The following CMKLR2 variants were observed in gnomAD, a reference collection of about 807,000 sequenced individuals.
CMKLR2 encodes the protein chemerin chemokine-like receptor 2.
Under a neutral mutation model 23.0 loss-of-function variants are expected in CMKLR2, and 18 were observed. That is an observed-to-expected ratio of 0.78 (90% CI 0.54 to 1.16). The LOEUF (loss-of-function observed/expected upper bound fraction) is 1.16. Ranked by LOEUF, CMKLR2 falls within the 50% of genes most tolerant of loss-of-function variation. The probability of loss-of-function intolerance (pLI) is 0.00; values close to 1 mark genes in which losing one functional copy is unlikely to be tolerated. For synonymous variants in CMKLR2, 158 were observed against 158.9 expected (o/e 0.99, Z 0.05); for missense variants, 401 against 412.7 (o/e 0.97, Z 0.25).
chr2:206,214,229 T>C (rs1689675456), upstream of CMKLR2, among the ~76,000 whole-genome samples: 1 of 143,504 alleles, frequency 7.0e-6, no homozygotes. Flanking sequence ...TGGAGTGCAG[T>C]GGTGTGATCA....
At chr2:206,206,361 A>T (rs2105836500) in intron 1 of CMKLR2, among the ~76,000 whole-genome samples, 1 of 152,370 alleles carries the variant, frequency 6.6e-6, no homozygotes, top group East Asian at 1.9e-4. Flanking sequence ...GGCCATGTTT[A>T]ATGTTATCAA....
At chr2:206,202,295 T>C (rs140310427) in intron 1 of CMKLR2, among the ~76,000 whole-genome samples, 3 of 152,266 alleles carry the variant, frequency 2.0e-5, no homozygotes, top group South Asian at 2.1e-4. Context: ...AACCCTAAGG[T>C]TCTGTTAGGT....
intron 1 of CMKLR2, among the ~76,000 whole-genome samples, chr2:206,189,661 A>G (rs769152981): frequency 1.3e-5 from 2 of 151,848 alleles, no homozygotes; most frequent in Non-Finnish European, 2.9e-5. Context: ...AGAAAAGAAA[A>G]GAATGAATAG....
In CMKLR2 at chr2:206,211,527, A is replaced by G. The variant is rs548318941; in HGVS notation, c.-29+1780T>C. On this transcript the variant is annotated intron_variant, in intron 1 of 1. Coordinates refer to ENST00000621141, the MANE Select transcript of CMKLR2 (RefSeq NM_001389445.1). ...TTTAGTAGAGACAGAGTCTCTACTA[A>G]AGGCTGGTCTCGAACTCCTGGCCAT... 2.6e-5 allele frequency among the ~76,000 whole-genome samples: 4 copies of G among 151,972 alleles called. No individual in the cohort carries two copies. The South Asian group carries it at 8.3e-4, about 32-fold the overall frequency.
At chr2:206,204,140 C>T (rs1208107612) in intron 1 of CMKLR2, among the ~76,000 whole-genome samples, 1 of 151,992 alleles carries the variant, frequency 6.6e-6, no homozygotes, top group African/African-American at 2.4e-5. Flanking sequence ...ATCACGAGGT[C>T]AGGAGATCGA....
intron 1 of CMKLR2, among the ~76,000 whole-genome samples, chr2:206,192,339 T>C (rs1200978078): frequency 2.0e-5 from 3 of 149,782 alleles, no homozygotes; most frequent in Non-Finnish European, 4.5e-5. Context: ...ATTATTTTAT[T>C]TTATAAAATA....
intron 1 of CMKLR2, among the ~76,000 whole-genome samples, chr2:206,205,320 T>G (rs1559097028): frequency 6.6e-6 from 1 of 152,222 alleles, no homozygotes; most frequent in Non-Finnish European, 1.5e-5. Flanking sequence ...TTTAACTTAC[T>G]GCATTTTGGG....
In CMKLR2 at chr2:206,176,816, T is replaced by C; in HGVS notation, c.432A>G (p.Leu144=). Residue 144 remains leucine (L), a synonymous_variant, in exon 2 of 2, where the codon TTA becomes TTG. Coordinates refer to ENST00000621141, the MANE Select transcript of CMKLR2 (RefSeq NM_001389445.1). ...DHYIHLIHPV[L]SHRHRTLKNS... is the part of the protein sequence containing the mutation. Reference sequence around the variant, plus strand: ...TCTTGAGGGTTCGATGCCGATGAGATAAGACAGGATGGATCAAGTGGATAT... The same window carrying C: ...TCTTGAGGGTTCGATGCCGATGAGACAAGACAGGATGGATCAAGTGGATAT... 3.1e-6 allele frequency: 5 copies of C among 1,614,094 alleles called. No individual in the cohort carries two copies. The highest frequency in any genetic ancestry group is 4.2e-6 in the Non-Finnish European group (5 of 1,180,026).
intron 1 of CMKLR2, among the ~76,000 whole-genome samples, chr2:206,198,444 C>A (rs1310957003): frequency 6.6e-6 from 1 of 152,092 alleles, no homozygotes; most frequent in African/African-American, 2.4e-5. Flanking sequence ...TATGATTCTG[C>A]CCCTGGTGTT....
upstream of CMKLR2, among the ~76,000 whole-genome samples, chr2:206,215,765 G>A (rs1208166767): frequency 4.6e-5 from 7 of 152,198 alleles, no homozygotes; most frequent in Non-Finnish European, 8.8e-5. Flanking sequence ...GTGCTCAGGT[G>A]TACTAGAGAT....
chr2:206,194,637 T>G (rs1688860123), intron 1 of CMKLR2, among the ~76,000 whole-genome samples: 1 of 151,776 alleles, frequency 6.6e-6, no homozygotes, highest in African/African-American at 2.4e-5. Context: ...GGTTTCACCA[T>G]GTCGGCCAGG....
intron 1 of CMKLR2, among the ~76,000 whole-genome samples, chr2:206,203,003 A>G (rs1689157426): frequency 6.6e-6 from 1 of 151,726 alleles, no homozygotes; most frequent in Non-Finnish European, 1.5e-5. Flanking sequence ...TGTAGGCACA[A>G]ACTTGAACCT....
At chr2:206,189,047 G>A (rs925463432) in intron 1 of CMKLR2, among the ~76,000 whole-genome samples, 15 of 152,198 alleles carry the variant, frequency 9.9e-5, no homozygotes, top group Admixed American at 9.8e-4. Flanking sequence ...CCTTCTGGCA[G>A]AACATTTGGC....
intron 1 of CMKLR2, among the ~76,000 whole-genome samples, chr2:206,196,967 G>A (rs527749117): frequency 7.9e-5 from 12 of 152,194 alleles, no homozygotes; most frequent in Admixed American, 2.6e-4. Context: ...GGAGTGCAGT[G>A]GCGTGATCTC....
intron 1 of CMKLR2, among the ~76,000 whole-genome samples, chr2:206,186,365 C>A (rs1488586302): frequency 6.6e-6 from 1 of 152,122 alleles, no homozygotes; most frequent in African/African-American, 2.4e-5. Context: ...CCTGCCTCGG[C>A]CTCTCAAAGT....
rs140350716 is a variant in CMKLR2, at chr2:206,198,063, C to T, written c.-29+15244G>A. Among the ~76,000 whole-genome samples, 522 of 152,208 alleles carry T rather than the reference C, an allele frequency of 3.4e-3. 2 individuals carry two copies. Among genetic ancestry groups the T allele is most frequent in the Middle Eastern group, 6.8e-3 (2 of 294 alleles). On this transcript the variant is annotated intron_variant, in intron 1 of 1. Transcript: ENST00000621141. The stretch of plus-strand genomic sequence containing the variant: ...TTCAGATTGTATGATGGAGGGTTGA[C>T]GTTAGGGTGAGACAGGCGAAGCTGG...
At chr2:206,210,312 TGCAAA>T (rs1689510546) in intron 1 of CMKLR2, among the ~76,000 whole-genome samples, 3 of 152,224 alleles carry the variant, frequency 2.0e-5, no homozygotes, top group African/African-American at 7.2e-5. Context: ...TCCATGTCCC[TGCAAA>T]GGACATGATC....
chr2:206,181,184 A>C (rs1029824960), intron 1 of CMKLR2, among the ~76,000 whole-genome samples: 1 of 151,846 alleles, frequency 6.6e-6, no homozygotes, highest in Admixed American at 6.6e-5. Context: ...CAGCCTCCCA[A>C]GTACCTGGGA....
intron 1 of CMKLR2, among the ~76,000 whole-genome samples, chr2:206,212,440 G>A (rs1351090543): frequency 6.6e-6 from 1 of 151,672 alleles, no homozygotes; most frequent in African/African-American, 2.4e-5. Context: ...TTAACAACAG[G>A]TTTGTGGATT....
Sources: gnomAD v4.1 joint callset for allele counts (sites outside exome capture counted in the v4.1 genomes callset) on GRCh38, gnomAD v4.1.1 for gene constraint, MANE v1.5 for transcripts, NCBI Gene and HGNC (gene_info 2026-07-23, HGNC 2026-07-21) for gene names.